The following PIAS2 variants were observed in gnomAD, a reference collection of about 807,000 sequenced individuals.
PIAS2 encodes protein inhibitor of activated STAT 2.
Under a neutral mutation model 69.7 loss-of-function variants are expected in PIAS2, and 19 were observed. That is an observed-to-expected ratio of 0.27 (90% confidence interval 0.19 to 0.40). The LOEUF (loss-of-function observed/expected upper bound fraction) is 0.40, where lower values mean the gene tolerates loss of function less well. PIAS2 is among the 10% of genes least tolerant of loss of function. PIAS2 has a pLI of 1.00. For synonymous variants in PIAS2, 261 were observed against 263.2 expected (o/e 0.99, Z 0.08); for missense variants, 624 against 757.0 (o/e 0.82, Z 2.06).
intron 9 of PIAS2, among the ~76,000 whole-genome samples, chr18:46,832,226 C>T (rs1247874605): frequency 2.0e-5 from 3 of 151,644 alleles, no homozygotes; most frequent in Admixed American, 2.0e-4. Context: ...ACCAGCCTGA[C>T]CAACATGGTG....
At chr18:46,858,064 G>A (rs1225507996) in intron 3 of PIAS2, among the ~76,000 whole-genome samples, 3 of 152,090 alleles carry the variant, frequency 2.0e-5, no homozygotes. Context: ...AATTGAACTG[G>A]CCCTTGAAAC....
chr18:46,868,471 T>A (rs2049832580), intron 2 of PIAS2, among the ~76,000 whole-genome samples: 1 of 152,172 alleles, frequency 6.6e-6, no homozygotes, highest in African/African-American at 2.4e-5. Flanking sequence ...CAAACATGCC[T>A]TGTACTGTAA....
intron 1 of PIAS2, among the ~76,000 whole-genome samples, chr18:46,914,273 T>C (rs1368133849): frequency 6.6e-6 from 1 of 152,192 alleles, no homozygotes; most frequent in Non-Finnish European, 1.5e-5. Context: ...TCCATCAGGA[T>C]AATCTGCTGA....
chr18:46,863,652 A>T (rs1043722678), intron 3 of PIAS2, among the ~76,000 whole-genome samples: 3 of 152,234 alleles, frequency 2.0e-5, no homozygotes, highest in Non-Finnish European at 2.9e-5. Context: ...AATCTAAAAG[A>T]CATTGAGGTT....
intron 2 of PIAS2, among the ~76,000 whole-genome samples, chr18:46,873,072 C>G (rs893596667): frequency 6.6e-6 from 1 of 152,142 alleles, no homozygotes; most frequent in Non-Finnish European, 1.5e-5. Context: ...TGTGGGTGGC[C>G]CAAATGTGTT....
chr18:46,814,683 T>C (rs1238520811), intron 13 of PIAS2, among the ~76,000 whole-genome samples: 1 of 152,220 alleles, frequency 6.6e-6, no homozygotes, highest in Non-Finnish European at 1.5e-5. Flanking sequence ...TTTTGTTCTA[T>C]GTCATTTTCT....
chr18:46,868,126 T>C (rs1011120545), intron 2 of PIAS2, among the ~76,000 whole-genome samples: 5 of 152,180 alleles, frequency 3.3e-5, no homozygotes, highest in African/African-American at 4.8e-5. Context: ...CCCAGAGATC[T>C]TGGGATAAGA....
At chr18:46,858,057 T>C (rs2048097250) in intron 3 of PIAS2, among the ~76,000 whole-genome samples, 1 of 152,068 alleles carries the variant, frequency 6.6e-6, no homozygotes, top group East Asian at 1.9e-4. Context: ...ACGTATGAAT[T>C]GAACTGGCCC....
At chr18:46,897,439 G>A (rs1403248297) in intron 1 of PIAS2, among the ~76,000 whole-genome samples, 1 of 152,088 alleles carries the variant, frequency 6.6e-6, no homozygotes, top group African/African-American at 2.4e-5. Context: ...GAGAAAATTT[G>A]AGCATCAAAA....
upstream of PIAS2, among the ~76,000 whole-genome samples, chr18:46,919,058 CAT>C (rs1342206267): frequency 6.6e-6 from 1 of 151,246 alleles, no homozygotes; most frequent in East Asian, 1.9e-4. Context: ...AACACACACA[CAT>C]ATTGTTTTGG....
chr18:46,860,654 G>C (rs2048515232), intron 3 of PIAS2, among the ~76,000 whole-genome samples: 1 of 152,064 alleles, frequency 6.6e-6, no homozygotes, highest in African/African-American at 2.4e-5. Flanking sequence ...GCACCCATGA[G>C]TCCACACTGT....
chr18:46,892,795 A>G (rs2146021066), intron 1 of PIAS2, among the ~76,000 whole-genome samples: 1 of 152,134 alleles, frequency 6.6e-6, no homozygotes, highest in South Asian at 2.1e-4. Context: ...AATAATGATA[A>G]TTTACATTAA....
chr18:46,818,162 C>T lies in PIAS2; in HGVS notation c.1648+2771G>A, dbSNP rs191153411. 8.0e-6 allele frequency: 9 copies of T among 1,122,530 alleles called. No homozygotes were observed. In the Admixed American group the frequency reaches 4.4e-4, roughly 55 times the overall value. 69.5% of individuals were successfully genotyped at this position (1,122,530 alleles called of 1,614,324 possible). On this transcript the variant is annotated intron_variant, in intron 12 of 13. Coordinates refer to ENST00000585916, the MANE Select transcript of PIAS2 (RefSeq NM_004671.5). ...AGATTTTTTCTCATTGATGACAACA[C>T]ATTTTCCTTATTTGAGTCATAAACT...
chr18:46,851,054 A>T (rs540404266), intron 5 of PIAS2, among the ~76,000 whole-genome samples: 9 of 152,294 alleles, frequency 5.9e-5, no homozygotes, highest in African/African-American at 2.2e-4. Context: ...TGCCTCTTCA[A>T]ATTGGGGTGA....
At chr18:46,817,092 T>C in intron 12 of PIAS2, 1 of 945,818 alleles carries the variant, frequency 1.1e-6, no homozygotes, top group Non-Finnish European at 1.3e-6. Context: ...CGTTTTCTTT[T>C]TACAGTAACT....
At chr18:46,839,863 CAAAA>C (rs58855520) in intron 8 of PIAS2, among the ~76,000 whole-genome samples, 1 of 70,692 alleles carries the variant, frequency 1.4e-5, no homozygotes, top group African/African-American at 5.4e-5. Flanking sequence ...AAAACTCTGT[CAAAA>C]AAAAAAAAAA....
At chr18:46,870,765 G>A (rs752661943) in intron 2 of PIAS2, among the ~76,000 whole-genome samples, 4 of 152,198 alleles carry the variant, frequency 2.6e-5, no homozygotes, top group Non-Finnish European at 5.9e-5. Context: ...TCTTTTCAGG[G>A]GAAGAAAGAA....
intron 2 of PIAS2, among the ~76,000 whole-genome samples, chr18:46,878,958 T>A (rs1281654171): frequency 2.0e-5 from 3 of 152,244 alleles, no homozygotes; most frequent in Non-Finnish European, 2.9e-5. Flanking sequence ...AGGGAAAAGA[T>A]AAACCAAGAG....
intron 1 of PIAS2, chr18:46,907,724 T>C (rs1474208607): frequency 6.6e-6 from 1 of 152,142 alleles, no homozygotes. Flanking sequence ...ATCAAAAATA[T>C]GGTATTTGCA....
Sources: gnomAD v4.1 joint callset for allele counts (sites outside exome capture counted in the v4.1 genomes callset) on GRCh38, gnomAD v4.1.1 for gene constraint, MANE v1.5 for transcripts, NCBI Gene and HGNC (gene_info 2026-07-23, HGNC 2026-07-21) for gene names.